HS3ST4: variants seen among roughly 807,000 people sequenced by gnomAD.
HS3ST4 encodes the protein heparan sulfate glucosamine 3-O-sulfotransferase 4.
In HS3ST4, 17 loss-of-function variants were observed where a neutral mutation model predicts 29.2. The observed-to-expected ratio is 0.58, with a 90% confidence interval of 0.40 to 0.87. HS3ST4 has a LOEUF of 0.87. HS3ST4 is among the 40% of genes least tolerant of loss of function. The pLI is 0.00. For synonymous variants in HS3ST4, 314 were observed against 285.7 expected (o/e 1.10, Z -1.00); for missense variants, 627 against 634.5 (o/e 0.99, Z 0.13).
At chr16:25,900,777 CAT>C in intron 1 of HS3ST4, among the ~76,000 whole-genome samples, 2 of 133,846 alleles carry the variant, frequency 1.5e-5, no homozygotes, top group Non-Finnish European at 3.6e-5. Flanking sequence ...GGCACTGTAA[CAT>C]GGGACCTCAG....
intron 1 of HS3ST4, among the ~76,000 whole-genome samples, chr16:25,886,586 T>G (rs538490834): frequency 6.6e-6 from 1 of 152,222 alleles, no homozygotes; most frequent in Non-Finnish European, 1.5e-5. Context: ...GAGAAAGTTC[T>G]GCAACACATG....
intron 1 of HS3ST4, among the ~76,000 whole-genome samples, chr16:25,956,952 T>C (rs8059076): frequency 0.82 from 120,627 of 147,546 alleles, 49,706 homozygotes; most frequent in African/African-American, 0.94. Context: ...GAGCCAAGAT[T>C]GAGCCACTGC....
At chr16:25,914,083 TATG>T (rs1968267835) in intron 1 of HS3ST4, among the ~76,000 whole-genome samples, 1 of 145,038 alleles carries the variant, frequency 6.9e-6, no homozygotes, top group African/African-American at 2.6e-5. Context: ...TGTGTGGGGG[TATG>T]ATATATGTGT....
intron 1 of HS3ST4, among the ~76,000 whole-genome samples, chr16:25,828,298 T>C (rs200170857): frequency 0.055 from 1,499 of 27,116 alleles, 41 homozygotes; most frequent in Non-Finnish European, 0.064. Flanking sequence ...CTTTCTTTCT[T>C]TCCCTCTCTC....
intron 1 of HS3ST4, among the ~76,000 whole-genome samples, chr16:25,975,690 A>G (rs541240106): frequency 2.8e-4 from 43 of 152,082 alleles, no homozygotes; most frequent in Non-Finnish European, 5.3e-4. Context: ...CCCTCCTCCA[A>G]TTCACTCTTC....
chr16:26,030,266 G>A (rs1037714242), intron 1 of HS3ST4, among the ~76,000 whole-genome samples: 2 of 152,226 alleles, frequency 1.3e-5, no homozygotes, highest in Non-Finnish European at 1.5e-5. Flanking sequence ...GAAATAGCTG[G>A]GTGTGGTGGT....
intron 1 of HS3ST4, among the ~76,000 whole-genome samples, chr16:25,950,055 C>T (rs966003776): frequency 6.6e-6 from 1 of 152,138 alleles, no homozygotes; most frequent in African/African-American, 2.4e-5. Context: ...CTCACAAATT[C>T]GCAAATTACC....
chr16:26,131,036 AC>A (rs1899411562), intron 1 of HS3ST4, among the ~76,000 whole-genome samples: 1 of 152,246 alleles, frequency 6.6e-6, no homozygotes, highest in Non-Finnish European at 1.5e-5. Context: ...GCACAGGCCA[AC>A]AATGTTGGTG....
chr16:25,852,293 A>G (rs1967529670), intron 1 of HS3ST4, among the ~76,000 whole-genome samples: 1 of 152,040 alleles, frequency 6.6e-6, no homozygotes, highest in South Asian at 2.2e-4. Flanking sequence ...TTTCTTTTTT[A>G]AAAAATTAAT....
intron 1 of HS3ST4, among the ~76,000 whole-genome samples, chr16:26,065,346 C>G (rs1000028571): frequency 1.5e-4 from 23 of 152,146 alleles, no homozygotes; most frequent in Non-Finnish European, 4.4e-5. Context: ...AGCTGTAGGC[C>G]ATTATCACTA....
At chr16:26,116,502 T>C (rs1899202840) in intron 1 of HS3ST4, among the ~76,000 whole-genome samples, 1 of 152,214 alleles carries the variant, frequency 6.6e-6, no homozygotes, top group Non-Finnish European at 1.5e-5. Context: ...TCCCATTCAA[T>C]TTATTGATAT....
chr16:25,723,599 A>C (rs7195236), intron 1 of HS3ST4, among the ~76,000 whole-genome samples: 20,644 of 152,238 alleles, frequency 0.14, 1,589 homozygotes, highest in African/African-American at 0.18. Context: ...ACATTTTTGC[A>C]GTAACATCTG....
chr16:25,843,537 A>G (rs1471834560), intron 1 of HS3ST4, among the ~76,000 whole-genome samples: 1 of 152,158 alleles, frequency 6.6e-6, no homozygotes, highest in Non-Finnish European at 1.5e-5. Context: ...GAAAGGAGGA[A>G]GCTATATTTG....
intron 1 of HS3ST4, among the ~76,000 whole-genome samples, chr16:25,762,155 A>G (rs1966792344): frequency 6.6e-6 from 1 of 152,130 alleles, no homozygotes; most frequent in South Asian, 2.1e-4. Flanking sequence ...TCATTGAGGA[A>G]CTGACTGTGC....
Position 26,136,012 on chromosome 16 carries a change from C to T in HS3ST4, c.1135C>T (p.Arg379Cys), listed in dbSNP as rs745610793. The T allele has an allele frequency of 2.2e-5, 35 of 1,613,828 alleles. No homozygotes were observed. In the Admixed American group the frequency reaches 3.5e-4, roughly 16 times the overall value. ...AKVQDFLGLK[R>C]VVTEKHFYFN... ...AGTACAGGATTTTCTAGGCCTCAAA[C>T]GTGTTGTGACTGAGAAGCATTTCTA... The change falls in exon 2 of 2, where the codon CGT (arginine) becomes TGT (cysteine). Residue 379 changes from arginine to cysteine, a missense_variant. Physicochemically the swap from Arg to Cys is radical, Grantham distance 180. This residue lies in a region of HS3ST4 where 225 missense variants were observed against 293.7 expected (regional missense o/e 0.77). Transcript: ENST00000331351.
chr16:25,754,754 A>G (rs1344720407), intron 1 of HS3ST4, among the ~76,000 whole-genome samples: 1 of 152,032 alleles, frequency 6.6e-6, no homozygotes, highest in Admixed American at 6.5e-5. Context: ...CCCATGATTA[A>G]ATTATCTCCA....
At chr16:25,797,380 C>T (rs1019594416) in intron 1 of HS3ST4, among the ~76,000 whole-genome samples, 2 of 152,092 alleles carry the variant, frequency 1.3e-5, no homozygotes, top group Non-Finnish European at 1.5e-5. Context: ...TATGACATGG[C>T]GTTTTGCAAG....
chr16:25,968,050 T>A (rs1968860849), intron 1 of HS3ST4, among the ~76,000 whole-genome samples: 1 of 152,122 alleles, frequency 6.6e-6, no homozygotes, highest in Non-Finnish European at 1.5e-5. Context: ...CTCTCAGTGA[T>A]CACAGGAGAA....
At chr16:26,036,636 T>C (rs1969585925) in intron 1 of HS3ST4, among the ~76,000 whole-genome samples, 1 of 152,172 alleles carries the variant, frequency 6.6e-6, no homozygotes, top group Admixed American at 6.5e-5. Context: ...TCCTATGCAT[T>C]CCATCTCCCA....
Sources: allele counts gnomAD v4.1 joint callset (sites outside exome capture counted in the v4.1 genomes callset), GRCh38; gene constraint gnomAD v4.1.1; regional missense constraint gnomAD v4.1.1; transcripts MANE v1.5; gene names NCBI Gene and HGNC (gene_info 2026-07-23, HGNC 2026-07-21).